DAG1: variants seen among roughly 807,000 people sequenced by gnomAD.
DAG1 encodes the protein dystroglycan 1 (dystrophin-associated glycoprotein 1).
A neutral mutation model predicts 46.1 loss-of-function variants in DAG1; 8 were observed. The ratio of observed to expected loss-of-function variants is 0.17; its 90% CI spans 0.10 to 0.31. The LOEUF (loss-of-function observed/expected upper bound fraction) is 0.31. DAG1 is among the 10% of genes least tolerant of loss of function. DAG1 has a pLI of 1.00. For missense variants in DAG1, 1,003 were observed against 1,189.9 expected (o/e 0.84, Z 2.31); for synonymous variants, 495 against 481.8 (o/e 1.03, Z -0.36).
chr3:49,531,045 A>G lies in DAG1; in HGVS notation c.534A>G (p.Val178=), dbSNP rs1260777113. ...RTASPDPGEV[V]SSACAADEPV... is the part of the protein sequence containing the mutation. ...CCTCCCCAGACCCTGGTGAGGTGGT[A>G]TCATCTGCCTGTGCTGCGGATGAAC... The change falls in exon 3 of 3, where the codon GTA becomes GTG. Residue 178 remains valine, a synonymous_variant. Coordinates refer to ENST00000308775, the MANE Select transcript of DAG1 (RefSeq NM_004393.6). The surrounding 1 kb of genome is among the most constrained non-coding windows in gnomAD (Gnocchi z 7.0). The G allele has an allele frequency of 5.6e-6, 9 of 1,614,180 alleles. No individual in the cohort carries two copies. Among genetic ancestry groups the G allele is most frequent in the Non-Finnish European group, 7.6e-6 (9 of 1,180,022 alleles).
chr3:49,498,350 G>A (rs562559736), intron 1 of DAG1, among the ~76,000 whole-genome samples: 5 of 152,040 alleles, frequency 3.3e-5, no homozygotes, highest in East Asian at 1.9e-4. Flanking sequence ...CTCATCTGAC[G>A]CCAAGGAGTC....
chr3:49,519,481 G>A (rs1418680684), intron 2 of DAG1, among the ~76,000 whole-genome samples: 1 of 152,194 alleles, frequency 6.6e-6, no homozygotes, highest in Non-Finnish European at 1.5e-5. Flanking sequence ...TCTTTGGCTA[G>A]GAAGGGGAGT....
At position 49,530,916 on chromosome 3, in the gene DAG1, T is replaced by C; in HGVS notation, c.405T>C (p.Ala135=). 1.2e-6 allele frequency: 2 copies of C among 1,614,136 alleles called. No individual in the cohort carries two copies. The highest frequency in any genetic ancestry group is 1.1e-5 in the South Asian group (1 of 91,070). Residue 135 remains alanine, a synonymous_variant, in exon 3 of 3, where the codon GCT becomes GCC. Transcript: ENST00000308775. ...DKGVHYISVS[A]TRLGANGSHI... Reference sequence around the variant, plus strand: ...GTGTGCATTACATTTCAGTGAGCGCTACACGGCTGGGGGCCAACGGGAGCC... The same window carrying C: ...GTGTGCATTACATTTCAGTGAGCGCCACACGGCTGGGGGCCAACGGGAGCC...
chr3:49,499,773 A>T lies in DAG1; in HGVS notation c.-116-10646A>T, dbSNP rs549767725. Reference sequence around the variant, plus strand: ...GGTGGTGATGGGAGGGGCCAGTGGGATCCTTACCTGCTGAACCTTACCCTT... The same window carrying T: ...GGTGGTGATGGGAGGGGCCAGTGGGTTCCTTACCTGCTGAACCTTACCCTT... On this transcript the variant is annotated intron_variant, in intron 1 of 2. Coordinates refer to ENST00000308775, the MANE Select transcript of DAG1 (RefSeq NM_004393.6). Among the ~76,000 whole-genome samples the T allele has an allele frequency of 3.6e-4, 55 of 152,168 alleles. No individual in the cohort carries two copies. In the Middle Eastern group the frequency reaches 0.01, roughly 28 times the overall value.
chr3:49,471,406 TCTATGCTTAGTTA>T (rs1194600103), intron 1 of DAG1, among the ~76,000 whole-genome samples: 1 of 151,760 alleles, frequency 6.6e-6, no homozygotes, highest in East Asian at 1.9e-4. Context: ...TTTATCAGGT[TCTATGCTTAGTTA>T]AGTTCAGAGA....
At chr3:49,481,613 A>G (rs1020775226) in intron 1 of DAG1, among the ~76,000 whole-genome samples, 3 of 152,068 alleles carry the variant, frequency 2.0e-5, no homozygotes, top group African/African-American at 7.2e-5. Flanking sequence ...GAGGAGCCAC[A>G]GATTCATTCT....
At chr3:49,501,859 A>G (rs1197250907) in intron 1 of DAG1, among the ~76,000 whole-genome samples, 2 of 151,446 alleles carry the variant, frequency 1.3e-5, no homozygotes, top group African/African-American at 4.8e-5. Flanking sequence ...GGAAAAGGCC[A>G]GTAAAGAAAA....
At chr3:49,479,959 T>TC (rs2049824586) in intron 1 of DAG1, among the ~76,000 whole-genome samples, 1 of 138,632 alleles carries the variant, frequency 7.2e-6, no homozygotes. Context: ...ATTCTTTTTT[T>TC]TTTTTTTTGA....
Position 49,491,861 on chromosome 3 carries a change from C to A in DAG1, c.-116-18558C>A, listed in dbSNP as rs534265928. Among the ~76,000 whole-genome samples the A allele has an allele frequency of 2.0e-5, 3 of 152,222 alleles. No homozygotes were observed. In the East Asian group the frequency reaches 5.8e-4, roughly 29 times the overall value. The stretch of plus-strand genomic sequence containing the variant: ...CTCAAACTCCTGACCTCAAGTGATC[C>A]TCCCGCCTTGGCCTCCCAGAGTACT... On this transcript the variant is annotated intron_variant, in intron 1 of 2. Transcript: ENST00000308775.
intron 2 of DAG1, among the ~76,000 whole-genome samples, chr3:49,514,002 G>C (rs1450817700): frequency 6.6e-6 from 1 of 152,220 alleles, no homozygotes; most frequent in Non-Finnish European, 1.5e-5. Flanking sequence ...ATTTGGCAGA[G>C]AGATGTTTAA....
At chr3:49,487,710 T>G (rs1293441159) in intron 1 of DAG1, among the ~76,000 whole-genome samples, 4 of 148,828 alleles carry the variant, frequency 2.7e-5, no homozygotes, top group Admixed American at 1.4e-4. Flanking sequence ...TTTTTTTTTT[T>G]TTTGTTTGAG....
chr3:49,483,200 CTTTTT>C (rs759272369), intron 1 of DAG1, among the ~76,000 whole-genome samples: 2 of 136,788 alleles, frequency 1.5e-5, no homozygotes, highest in Non-Finnish European at 3.2e-5. Flanking sequence ...GGTAGGTCAT[CTTTTT>C]TTTTTTTTTT....
At chr3:49,471,011 TGTC>T (rs1385683195) in intron 1 of DAG1, 2 of 152,216 alleles carry the variant, frequency 1.3e-5, no homozygotes, top group Admixed American at 6.5e-5. Flanking sequence ...CCACAGAAAA[TGTC>T]GTCTCGGCTT....
chr3:49,531,857 C>T lies in DAG1; in HGVS notation c.1346C>T (p.Pro449Leu), dbSNP rs2051358559. The change falls in exon 3 of 3, where the codon CCA (proline) becomes CTA (leucine). Residue 449 changes from proline (P) to leucine (L), a missense_variant. Around this residue, in one of 3 missense-constraint regions of DAG1, gnomAD observed 755 missense variants for 854.1 expected, o/e 0.88. Coordinates refer to ENST00000308775, the MANE Select transcript of DAG1 (RefSeq NM_004393.6). The surrounding 1 kb of genome is among the most constrained non-coding windows in gnomAD (Gnocchi z 7.0). ...TDSTTTTTRRPTKKPRTPRPV... is the reference protein window; with the variant it reads ...TDSTTTTTRRLTKKPRTPRPV... The stretch of plus-strand genomic sequence containing the variant: ...TCCACCACCACCACGACTCGCAGGC[C>T]AACCAAGAAACCACGGACACCCCGG... 3 of 1,614,036 alleles carry T rather than the reference C, an allele frequency of 1.9e-6. No individual in the cohort carries two copies. Among genetic ancestry groups the T allele is most frequent in the Non-Finnish European group, 2.5e-6 (3 of 1,180,018 alleles).
intron 2 of DAG1, among the ~76,000 whole-genome samples, chr3:49,530,264 G>A (rs958903547): frequency 1.3e-5 from 2 of 152,192 alleles, no homozygotes; most frequent in Non-Finnish European, 2.9e-5. Context: ...CCTTCAGAGC[G>A]TTGAGCCTTC....
intron 1 of DAG1, among the ~76,000 whole-genome samples, chr3:49,481,297 C>T (rs561286106): frequency 4.7e-5 from 7 of 148,962 alleles, no homozygotes; most frequent in African/African-American, 7.4e-5. Flanking sequence ...CTCTGGAGGC[C>T]GAGGCAGGAG....
chr3:49,474,703 G>A (rs1294689912), intron 1 of DAG1, among the ~76,000 whole-genome samples: 4 of 151,800 alleles, frequency 2.6e-5, no homozygotes, highest in East Asian at 1.9e-4. Context: ...GGCTGGTCTC[G>A]AACTTTTGAG....
At chr3:49,526,628 A>G (rs1165626037) in intron 2 of DAG1, among the ~76,000 whole-genome samples, 5 of 152,226 alleles carry the variant, frequency 3.3e-5, no homozygotes, top group Non-Finnish European at 1.5e-5. Context: ...GAAGCTGGAG[A>G]AACATTTGAA....
At chr3:49,514,854 C>T (rs1282918663) in intron 2 of DAG1, among the ~76,000 whole-genome samples, 1 of 151,582 alleles carries the variant, frequency 6.6e-6, no homozygotes, top group Non-Finnish European at 1.5e-5. Flanking sequence ...CATAGACACA[C>T]ACACACATAT....
Sources: gnomAD v4.1 joint callset for allele counts (sites outside exome capture counted in the v4.1 genomes callset) on GRCh38, gnomAD v4.1.1 for gene constraint, gnomAD v4.1.1 regional missense constraint, Gnocchi (gnomAD v3.1) non-coding constraint, MANE v1.5 for transcripts, NCBI Gene and HGNC (gene_info 2026-07-23, HGNC 2026-07-21) for gene names.